SLC45A4: variants seen among roughly 807,000 people sequenced by gnomAD.
SLC45A4 encodes polyamine-transporter SLC45A4.
Under a neutral mutation model 63.7 loss-of-function variants are expected in SLC45A4, and 32 were observed. The ratio of observed to expected loss-of-function variants is 0.50; its 90% confidence interval spans 0.38 to 0.67. The LOEUF is 0.67. SLC45A4 is among the 30% of genes least tolerant of loss of function. SLC45A4 has a pLI of 0.00. For synonymous variants in SLC45A4, 535 were observed against 510.0 expected, an observed-to-expected ratio of 1.05 and a Z score of -0.66; for missense variants, 1,027 against 1,157.7, an observed-to-expected ratio of 0.89 and a Z score of 1.64.
intron 1 of SLC45A4, among the ~76,000 whole-genome samples, chr8:141,267,508 C>A (rs1247078632): frequency 2.0e-5 from 3 of 152,246 alleles, no homozygotes; most frequent in Non-Finnish European, 4.4e-5. Context: ...AGGCTTTACA[C>A]TGTGTGAGAT....
chr8:141,305,260 A>C (rs550087148), intron 1 of SLC45A4, among the ~76,000 whole-genome samples: 76 of 152,266 alleles, frequency 5.0e-4, no homozygotes, highest in African/African-American at 1.8e-3. Context: ...GGGGAGGTGC[A>C]GCCGCTCAGG....
intron 1 of SLC45A4, among the ~76,000 whole-genome samples, chr8:141,272,059 C>T (rs747121174): frequency 7.2e-5 from 11 of 152,310 alleles, no homozygotes; most frequent in East Asian, 1.9e-4. Context: ...CACACACCTG[C>T]GCACACACAT....
chr8:141,269,662 T>C (rs2154614902), intron 1 of SLC45A4, among the ~76,000 whole-genome samples: 1 of 151,832 alleles, frequency 6.6e-6, no homozygotes, highest in South Asian at 2.1e-4. Flanking sequence ...TCTGCCTGCG[T>C]CTGTATGTCT....
intron 2 of SLC45A4, 54 bp downstream of exon 2, chr8:141,253,935 G>C (rs1340104351): frequency 9.2e-6 from 14 of 1,526,922 alleles, no homozygotes; most frequent in South Asian, 1.2e-5. Context: ...GCCACGCCCA[G>C]TCCGCTAGCA....
rs748961391 is a variant in SLC45A4 at position 141,217,197 on chromosome 8, G to A, written c.1630-8C>T. 9.3e-6 allele frequency: 15 copies of A among 1,613,164 alleles called. No individual in the cohort carries two copies. The Admixed American group carries it at 1.8e-4, about 20-fold the overall frequency. On this transcript the variant is annotated splice_polypyrimidine_tract_variant and splice_region_variant and intron_variant, in intron 5 of 8. Transcript: ENST00000517878. Reference sequence around the variant, plus strand: ...GGTCGAGTTCGAGGGGGCCTGTTCCGGAAATGAGACGGGGGCTGACGAGGG... The same window carrying A: ...GGTCGAGTTCGAGGGGGCCTGTTCCAGAAATGAGACGGGGGCTGACGAGGG...
At chr8:141,272,573 C>T (rs950365293) in intron 1 of SLC45A4, among the ~76,000 whole-genome samples, 2 of 152,236 alleles carry the variant, frequency 1.3e-5, no homozygotes, top group African/African-American at 4.8e-5. Context: ...TCACGGAGTC[C>T]TGCCTGGCTC....
intron 1 of SLC45A4, among the ~76,000 whole-genome samples, chr8:141,255,057 A>G (rs1020624470): frequency 6.6e-6 from 1 of 152,160 alleles, no homozygotes; most frequent in South Asian, 2.1e-4. Context: ...TGGGGGAGGT[A>G]GGCAAAAGAG....
chr8:141,247,832 T>C (rs1828292102), intron 2 of SLC45A4, among the ~76,000 whole-genome samples: 2 of 152,190 alleles, frequency 1.3e-5, no homozygotes, highest in African/African-American at 4.8e-5. Context: ...GAATAGTGCC[T>C]AGAAACAGAT....
intron 7 of SLC45A4, among the ~76,000 whole-genome samples, chr8:141,213,455 G>C (rs1374699910): frequency 6.6e-6 from 1 of 152,252 alleles, no homozygotes; most frequent in Non-Finnish European, 1.5e-5. Context: ...CCAAATGTCA[G>C]AAATTCATCA....
rs112290415 is a variant in SLC45A4, at chr8:141,246,828, G to A, written c.241+7161C>T. ...TAAGCTTCACCTTAAGAAACTAGAA[G>A]AAGTAGCCAGTTGTGGTGGTGCACA... On this transcript the variant is annotated intron_variant, in intron 2 of 8. Coordinates refer to ENST00000517878, the MANE Select transcript of SLC45A4 (RefSeq NM_001286646.2). Among the ~76,000 whole-genome samples the A allele has an allele frequency of 3.0e-3, 461 of 152,234 alleles. 3 individuals carry two copies. Among genetic ancestry groups the A allele is most frequent in the African/African-American group, 0.011 (449 of 41,532 alleles).
chr8:141,213,322 G>A (rs755812779), intron 7 of SLC45A4, among the ~76,000 whole-genome samples: 3 of 152,214 alleles, frequency 2.0e-5, no homozygotes, highest in Non-Finnish European at 2.9e-5. Flanking sequence ...ACCAACACGC[G>A]TGATGTGCTG....
chr8:141,254,912 A>G lies in SLC45A4; in HGVS notation c.-400-283T>C, dbSNP rs1275623271. 1 of 374,720 alleles carries G rather than the reference A, an allele frequency of 2.7e-6. No homozygotes were observed. Among genetic ancestry groups the G allele is most frequent in the Non-Finnish European group, 5.2e-6 (1 of 190,810 alleles). 23.2% of individuals were successfully genotyped at this position (374,720 alleles called of 1,614,324 possible). ...ACAGAGAAAAACGCTGGAAATATTCACTCTTTGGCCAGTAACAATATCGTC... is the reference window on the plus strand; with the variant it reads ...ACAGAGAAAAACGCTGGAAATATTCGCTCTTTGGCCAGTAACAATATCGTC... On this transcript the variant is annotated intron_variant, in intron 1 of 8. Transcript: ENST00000517878. This position sits in a 1 kb window ranked among gnomAD's most constrained non-coding sequence, Gnocchi z 4.5.
At chr8:141,247,148 A>C (rs1406683269) in intron 2 of SLC45A4, among the ~76,000 whole-genome samples, 4 of 152,236 alleles carry the variant, frequency 2.6e-5, no homozygotes, top group Non-Finnish European at 4.4e-5. Context: ...TCAAATTACC[A>C]ATATCAGGAA....
At chr8:141,243,931 G>T (rs934387807) in intron 2 of SLC45A4, among the ~76,000 whole-genome samples, 1 of 152,144 alleles carries the variant, frequency 6.6e-6, no homozygotes, top group African/African-American at 2.4e-5. Flanking sequence ...TGTGTCAACT[G>T]ACTGCTTATA....
intron 1 of SLC45A4, among the ~76,000 whole-genome samples, chr8:141,270,397 G>A (rs368945294): frequency 7.9e-5 from 12 of 151,184 alleles, no homozygotes; most frequent in African/African-American, 2.7e-4. Context: ...AAAAAGGCTC[G>A]GCGCGGTAGC....
At chr8:141,275,049 C>T (rs936276878) in intron 1 of SLC45A4, among the ~76,000 whole-genome samples, 11 of 152,224 alleles carry the variant, frequency 7.2e-5, no homozygotes, top group Non-Finnish European at 1.5e-4. Context: ...GGCGTGGCGC[C>T]GGCAGGAGCC....
rs1402664773 is a variant in SLC45A4 at position 141,208,434 on chromosome 8, A to G, written c.*3138T>C. On this transcript the variant is annotated 3_prime_UTR_variant, in exon 9 of 9. Transcript: ENST00000517878. ...GGTGGTCACAGACCAAGTCCTCCAC[A>G]CCTGGGGCATTCAAGAAACACTCCT... 2.6e-5 allele frequency: 4 copies of G among 151,784 alleles called. No individual in the cohort carries two copies. The East Asian group carries it at 7.7e-4, about 29-fold the overall frequency. 9.4% of individuals were successfully genotyped at this position (151,784 alleles called of 1,614,324 possible). A position where few individuals can be genotyped will look rare whatever the true frequency, so the allele number is the denominator to read the frequency against.
Position 141,256,815 on chromosome 8 carries a change from T to A in SLC45A4, c.-400-2186A>T. 1 of 344,688 alleles carries A rather than the reference T, an allele frequency of 2.9e-6. No homozygotes were observed. The highest frequency in any genetic ancestry group is 2.2e-5 in the South Asian group (1 of 45,270). The allele number at this position is 344,688 out of a possible 1,614,324, so 21.4% of individuals were successfully genotyped here. ...TCAATTAAAACAAGAGTTTCCAAAC[T>A]GTCACCTTACTGCAATATTTTTTCA... On this transcript the variant is annotated intron_variant, in intron 1 of 8. Coordinates refer to ENST00000517878, the MANE Select transcript of SLC45A4 (RefSeq NM_001286646.2). This position sits in a 1 kb window ranked among gnomAD's most constrained non-coding sequence, Gnocchi z 4.3.
Position 141,215,690 on chromosome 8 carries a change from C to T in SLC45A4, c.1941+69G>A. On this transcript the variant is annotated intron_variant, in intron 7 of 8. Coordinates refer to ENST00000517878, the MANE Select transcript of SLC45A4 (RefSeq NM_001286646.2). The surrounding 1 kb of genome is among the most constrained non-coding windows in gnomAD (Gnocchi z 4.3). ...AACGTCCCCCCGGGGAAGCACAGGG[C>T]TCTGCTCTGTATGGAGGGAAGGCAC... The T allele has an allele frequency of 1.3e-6, 2 of 1,521,412 alleles. No homozygotes were observed. Among genetic ancestry groups the T allele is most frequent in the Non-Finnish European group, 1.8e-6 (2 of 1,108,738 alleles). 94.2% of individuals were successfully genotyped at this position (1,521,412 alleles called of 1,614,324 possible). A position where few individuals can be genotyped will look rare whatever the true frequency, so the allele number is the denominator to read the frequency against.
Sources: allele counts gnomAD v4.1 joint callset (sites outside exome capture counted in the v4.1 genomes callset), GRCh38; gene constraint gnomAD v4.1.1; non-coding constraint Gnocchi (gnomAD v3.1); transcripts MANE v1.5; gene names NCBI Gene and HGNC (gene_info 2026-07-23, HGNC 2026-07-21).